The following GRK5 variants were observed in gnomAD, a reference collection of about 807,000 sequenced individuals.
GRK5 encodes G protein-coupled receptor kinase 5, also known as g protein-coupled receptor kinase GRK5.
Under a neutral mutation model 78.4 loss-of-function variants are expected in GRK5, and 40 were observed. The observed-to-expected ratio is 0.51, with a 90% CI of 0.40 to 0.66. GRK5 has a LOEUF of 0.66. Among genes scored for constraint, GRK5 ranks in the 30% least tolerant of loss-of-function variants. The pLI is 0.00. For missense variants in GRK5, 598 were observed against 759.9 expected, an observed-to-expected ratio of 0.79 and a Z score of 2.50; for synonymous variants, 289 against 296.8, an observed-to-expected ratio of 0.97 and a Z score of 0.27.
Position 119,255,038 on chromosome 10 carries a change from CAAAA to C in GRK5, c.52+47085_52+47088del, listed in dbSNP as rs11427427. Among the ~76,000 whole-genome samples the C allele has an allele frequency of 4.4e-5, 5 of 113,760 alleles. 1 individual carries two copies. The highest frequency in any genetic ancestry group is 8.6e-5 in the Non-Finnish European group (5 of 58,146). 74.6% of individuals were successfully genotyped at this position (113,760 alleles called of 152,430 possible). ...TGGGCGACAGAGCAAGACTCAGTCTCAAAAAAAAAAAAAAAAAAAGAAGGAAAAA... is the reference window on the plus strand; with the variant it reads ...TGGGCGACAGAGCAAGACTCAGTCTCAAAAAAAAAAAAAAAGAAGGAAAAA... On this transcript the variant is annotated intron_variant, in intron 1 of 15. Coordinates refer to ENST00000392870, the MANE Select transcript of GRK5 (RefSeq NM_005308.3).
intron 1 of GRK5, among the ~76,000 whole-genome samples, chr10:119,317,664 C>G (rs1850515212): frequency 6.6e-6 from 1 of 152,124 alleles, no homozygotes; most frequent in Non-Finnish European, 1.5e-5. Flanking sequence ...TCAAGTCAGG[C>G]AGGACGCAGC....
At chr10:119,249,857 G>T (rs923989612) in intron 1 of GRK5, among the ~76,000 whole-genome samples, 3 of 152,190 alleles carry the variant, frequency 2.0e-5, no homozygotes, top group Non-Finnish European at 2.9e-5. Context: ...CATTGTTATT[G>T]TAAGTGCATA....
In GRK5 at chr10:119,405,759, G is replaced by A. The variant is rs144615818; in HGVS notation, c.339+8987G>A. On this transcript the variant is annotated intron_variant, in intron 4 of 15. Transcript: ENST00000392870. ...TGAGTATGGGGCTGATAAAAATGGC[G>A]CCTACCTGTGCTTGTGGCCATCAGT... 6.6e-3 allele frequency among the ~76,000 whole-genome samples: 1,010 copies of A among 152,280 alleles called. 6 individuals are homozygous for A. The highest frequency in any genetic ancestry group is 0.017 in the Middle Eastern group (5 of 294).
intron 2 of GRK5, among the ~76,000 whole-genome samples, chr10:119,342,798 T>C (rs1564898196): frequency 6.6e-6 from 1 of 152,122 alleles, no homozygotes; most frequent in Non-Finnish European, 1.5e-5. Flanking sequence ...CTGGGCTACA[T>C]TTATGGCCTT....
intron 2 of GRK5, among the ~76,000 whole-genome samples, chr10:119,366,661 G>A (rs565052595): frequency 3.9e-5 from 6 of 152,270 alleles, no homozygotes; most frequent in African/African-American, 7.2e-5. Flanking sequence ...CTATCCTGGA[G>A]GCTGGAGCAC....
chr10:119,416,100 TG>T (rs147679750), intron 4 of GRK5, among the ~76,000 whole-genome samples: 15,154 of 152,230 alleles, frequency 0.1, 867 homozygotes, highest in East Asian at 0.23. Flanking sequence ...GCTTCATCCC[TG>T]GGTGCCTCCA....
intron 1 of GRK5, among the ~76,000 whole-genome samples, chr10:119,229,437 A>G (rs1004515983): frequency 2.0e-5 from 3 of 152,212 alleles, no homozygotes; most frequent in Admixed American, 1.3e-4. Flanking sequence ...TGCCCAGTAG[A>G]GGCTAGATTC....
At chr10:119,380,954 C>A in intron 3 of GRK5, 27 bp downstream of exon 3, 1 of 1,343,866 alleles carries the variant, frequency 7.4e-7, no homozygotes, top group Non-Finnish European at 1.1e-6. Flanking sequence ...GAGGGATGGT[C>A]CTGTGGTCCT....
At position 119,424,226 on chromosome 10, in the gene GRK5, G is replaced by A. The variant is rs1467409390; in HGVS notation, c.441-767G>A. 2.0e-5 allele frequency among the ~76,000 whole-genome samples: 3 copies of A among 152,146 alleles called. 1 individual carries two copies. Among genetic ancestry groups the A allele is most frequent in the Non-Finnish European group, 2.9e-5 (2 of 68,032 alleles). ...GGGAATGGCCATCTTGGCTCCCAAC[G>A]ATGGCTTTCAGGTTTGGCAGGACAC... On this transcript the variant is annotated intron_variant, in intron 5 of 15. Transcript: ENST00000392870.
chr10:119,307,581 T>C (rs1850292431), intron 1 of GRK5, among the ~76,000 whole-genome samples: 1 of 152,164 alleles, frequency 6.6e-6, no homozygotes, highest in South Asian at 2.1e-4. Flanking sequence ...GATTCTCCCC[T>C]GGAGTCTCCA....
intron 1 of GRK5, among the ~76,000 whole-genome samples, chr10:119,313,463 G>T (rs963140171): frequency 4.6e-5 from 7 of 152,134 alleles, no homozygotes; most frequent in Non-Finnish European, 1.0e-4. Context: ...ATGCCAGGTG[G>T]GTAGCAGTGT....
intron 1 of GRK5, among the ~76,000 whole-genome samples, chr10:119,258,672 T>C: frequency 6.6e-6 from 1 of 152,168 alleles, no homozygotes; most frequent in East Asian, 1.9e-4. Flanking sequence ...TTAGTTTAGG[T>C]TCCCCAGAAG....
Position 119,457,027 on chromosome 10 carries a change from G to T in GRK5, c.*1960G>T, listed in dbSNP as rs1313305271. The T allele has an allele frequency of 6.6e-6, 1 of 152,144 alleles. No homozygotes were observed. Among genetic ancestry groups the T allele is most frequent in the African/African-American group, 2.4e-5 (1 of 41,416 alleles). 9.4% of individuals were successfully genotyped at this position (152,144 alleles called of 1,614,324 possible). On this transcript the variant is annotated 3_prime_UTR_variant, in exon 16 of 16. Coordinates refer to ENST00000392870, the MANE Select transcript of GRK5 (RefSeq NM_005308.3). ...TTCAAGACCAGCTCTTGTTTTATGA[G>T]GCTCCTTCCATTACCTTTCTTGGGC...
intron 4 of GRK5, among the ~76,000 whole-genome samples, chr10:119,407,844 C>T (rs1043512718): frequency 2.6e-5 from 4 of 151,880 alleles, no homozygotes; most frequent in Non-Finnish European, 5.9e-5. Flanking sequence ...GGCAACACAG[C>T]GAGACCCCCA....
At chr10:119,310,074 T>A (rs1850334305) in intron 1 of GRK5, among the ~76,000 whole-genome samples, 1 of 152,184 alleles carries the variant, frequency 6.6e-6, no homozygotes, top group African/African-American at 2.4e-5. Flanking sequence ...CATGTCCACA[T>A]GGTAATTAAT....
At chr10:119,278,326 C>T (rs1399143914) in intron 1 of GRK5, among the ~76,000 whole-genome samples, 5 of 151,912 alleles carry the variant, frequency 3.3e-5, no homozygotes, top group Admixed American at 3.3e-4. Context: ...GCTGGACAAG[C>T]AGAAGGGGAA....
chr10:119,208,801 CAG>C (rs998276783), intron 1 of GRK5, among the ~76,000 whole-genome samples: 4 of 151,604 alleles, frequency 2.6e-5, no homozygotes, highest in African/African-American at 9.7e-5. Flanking sequence ...TGATGAAAAA[CAG>C]AAAAAAGGGG....
At chr10:119,300,291 CA>C (rs1176391928) in intron 1 of GRK5, among the ~76,000 whole-genome samples, 3 of 152,122 alleles carry the variant, frequency 2.0e-5, no homozygotes, top group African/African-American at 7.2e-5. Flanking sequence ...TTGCAGGATG[CA>C]AAATTGGGTT....
chr10:119,240,835 G>A (rs760241161), intron 1 of GRK5, among the ~76,000 whole-genome samples: 2 of 152,104 alleles, frequency 1.3e-5, no homozygotes, highest in African/African-American at 4.8e-5. Context: ...TCCTGCCTCA[G>A]CCTCCCTAGC....
Sources: allele counts gnomAD v4.1 joint callset (sites outside exome capture counted in the v4.1 genomes callset), GRCh38; gene constraint gnomAD v4.1.1; transcripts MANE v1.5; gene names NCBI Gene and HGNC (gene_info 2026-07-23, HGNC 2026-07-21).